The following STAT1 variants were observed in gnomAD, a reference collection of about 807,000 sequenced individuals.
The protein encoded by STAT1 is signal transducer and activator of transcription 1-alpha/beta.
Under a neutral mutation model 111.7 loss-of-function variants are expected in STAT1, and 24 were observed. That is an observed-to-expected ratio of 0.21 (90% confidence interval 0.16 to 0.30). STAT1 has a LOEUF of 0.30. STAT1 is among the 10% of genes least tolerant of loss of function. The pLI is 1.00. For missense variants in STAT1, 351 were observed against 911.9 expected, an observed-to-expected ratio of 0.38 and a Z score of 7.92; for synonymous variants, 332 against 326.5, an observed-to-expected ratio of 1.02 and a Z score of -0.18.
Position 190,975,983 on chromosome 2 carries a change from C to G in STAT1, c.2060-96G>C, listed in dbSNP as rs17749316. ...GGGGGATTAAAGTTCTACTGTGTTTCTAGACAGCTTAGCCTCCTAAAACTT... is the reference window on the plus strand; with the variant it reads ...GGGGGATTAAAGTTCTACTGTGTTTGTAGACAGCTTAGCCTCCTAAAACTT... On this transcript the variant is annotated intron_variant, in intron 22 of 24. Transcript: ENST00000361099. This position sits in a 1 kb window ranked among gnomAD's most constrained non-coding sequence, Gnocchi z 5.9. 0.062 allele frequency: 69,220 copies of G among 1,116,890 alleles called. 2,525 individuals are homozygous for G. The highest frequency in any genetic ancestry group is 0.077 in the Non-Finnish European group (57,264 of 745,530). The allele number at this position is 1,116,890 out of a possible 1,614,324, so 69.2% of individuals were successfully genotyped here.
At chr2:190,991,078 C>A in intron 11 of STAT1, 150 bp downstream of exon 11, 1 of 693,370 alleles carries the variant, frequency 1.4e-6, no homozygotes. Context: ...ATAAAAGACT[C>A]TCAGATATTC....
intron 12 of STAT1, among the ~76,000 whole-genome samples, chr2:190,988,077 T>C (rs1299704162): frequency 6.6e-6 from 1 of 152,114 alleles, no homozygotes; most frequent in Non-Finnish European, 1.5e-5. Flanking sequence ...TACTTCCCCA[T>C]CCCCCGAATC....
At position 190,977,714 on chromosome 2, in the gene STAT1, G is replaced by T. The variant is rs16833141; in HGVS notation, c.1874-689C>A. ...CTGCCATCCTAACCCTTCCTGGCTG[G>T]TAGTGTCCTGCTTGACCTTTCCTGG... On this transcript the variant is annotated intron_variant, in intron 21 of 24. Coordinates refer to ENST00000361099, the MANE Select transcript of STAT1 (RefSeq NM_007315.4). This position sits in a 1 kb window ranked among gnomAD's most constrained non-coding sequence, Gnocchi z 4.7. Among the ~76,000 whole-genome samples, 4,791 of 152,130 alleles carry T rather than the reference G, an allele frequency of 0.031. 260 individuals are homozygous for T. The highest frequency in any genetic ancestry group is 0.11 in the African/African-American group (4,552 of 41,448).
In STAT1 at chr2:190,995,730, G is replaced by C. The variant is rs1344225372; in HGVS notation, c.786-511C>G. 6.6e-6 allele frequency among the ~76,000 whole-genome samples: 1 copy of C among 152,174 alleles called. No individual in the cohort carries two copies. Among genetic ancestry groups the C allele is most frequent in the Non-Finnish European group, 1.5e-5 (1 of 68,036 alleles). Reference sequence around the variant, plus strand: ...TCTGCCCTCTAGGGAAAAACAAAGGGAACGAGGCTTGTGCCAGCAGTAGAA... The same window carrying C: ...TCTGCCCTCTAGGGAAAAACAAAGGCAACGAGGCTTGTGCCAGCAGTAGAA... On this transcript the variant is annotated intron_variant, in intron 9 of 24. Transcript: ENST00000361099. This position sits in a 1 kb window ranked among gnomAD's most constrained non-coding sequence, Gnocchi z 4.2.
chr2:190,976,877 G>C lies in STAT1; in HGVS notation c.2022C>G (p.Asp674Glu). ...TGGAGTAATACTTTCCAAAGGCATG[G>C]TCTTTGTCAATATTTGGATACAGAT... ...LKYLYPNIDKDHAFGKYYSRP... is the reference protein window; with the variant it reads ...LKYLYPNIDKEHAFGKYYSRP... Residue 674 changes from aspartate (D) to glutamate (E), a missense_variant, in exon 22 of 25, where the codon GAC becomes GAG. By Grantham distance (45) the Asp-to-Glu change is conservative (BLOSUM62 2). This residue lies in a region of STAT1 where 181 missense variants were observed against 426.1 expected (regional missense o/e 0.42). Transcript: ENST00000361099. This position sits in a 1 kb window ranked among gnomAD's most constrained non-coding sequence, Gnocchi z 6.0. The C allele has an allele frequency of 6.2e-7, 1 of 1,614,150 alleles. No homozygotes were observed.
Position 190,999,571 on chromosome 2 carries a change from G to T in STAT1, c.541+55C>A. 2 of 1,191,820 alleles carry T rather than the reference G, an allele frequency of 1.7e-6. No individual in the cohort carries two copies. The highest frequency in any genetic ancestry group is 2.5e-6 in the Non-Finnish European group (2 of 795,186). The allele number at this position is 1,191,820 out of a possible 1,614,324, so 73.8% of individuals were successfully genotyped here. On this transcript the variant is annotated intron_variant, in intron 7 of 24. Transcript: ENST00000361099. This position sits in a 1 kb window ranked among gnomAD's most constrained non-coding sequence, Gnocchi z 4.1. ...AAGGAGTAATCATCTTCGTTATCTA[G>T]TGTGAACAGAAAAAATTGCAGCCAA...
At position 190,986,830 on chromosome 2, in the gene STAT1, T is replaced by G. The variant is rs188574418; in HGVS notation, c.1221+24A>C. ...AAGTCCTAAGAAACCAGAGACAACA[T>G]AGAGAGGAAACTGATGTCCCTACCA... On this transcript the variant is annotated intron_variant, in intron 14 of 24. Transcript: ENST00000361099. This position sits in a 1 kb window ranked among gnomAD's most constrained non-coding sequence, Gnocchi z 5.0. 2.0e-5 allele frequency: 32 copies of G among 1,605,882 alleles called. No individual in the cohort carries two copies. The highest frequency in any genetic ancestry group is 4.0e-5 in the African/African-American group (3 of 74,722).
chr2:190,970,777 T>C lies in STAT1; in HGVS notation c.2239-60A>G. 4 of 1,470,982 alleles carry C rather than the reference T, an allele frequency of 2.7e-6. No homozygotes were observed. In the South Asian group the frequency reaches 3.4e-5, roughly 13 times the overall value. 91.1% of individuals were successfully genotyped at this position (1,470,982 alleles called of 1,614,324 possible). On this transcript the variant is annotated intron_variant, in intron 24 of 24. Transcript: ENST00000361099. This position sits in a 1 kb window ranked among gnomAD's most constrained non-coding sequence, Gnocchi z 5.4. ...ACTGATCTTGTGAAATGCAGACTCA[T>C]ACATTAAACATTGCTTGTCTATTCT...
intron 12 of STAT1, among the ~76,000 whole-genome samples, chr2:190,988,426 T>C (rs45618532): frequency 0.048 from 7,345 of 152,334 alleles, 248 homozygotes; most frequent in Middle Eastern, 0.12. Context: ...TCACCCAGGC[T>C]GGAGTGCAGT....
At position 190,989,716 on chromosome 2, in the gene STAT1, T is replaced by G. The variant is rs376841146; in HGVS notation, c.1038-42A>C. On this transcript the variant is annotated intron_variant, in intron 11 of 24. Transcript: ENST00000361099. The surrounding 1 kb of genome is among the most constrained non-coding windows in gnomAD (Gnocchi z 5.0). ...AAGCCATTACTTAAAAAAAATTATC[T>G]GTTACAATTTATTTATTATGCCAAT... 2.8e-5 allele frequency: 39 copies of G among 1,416,276 alleles called. No individual in the cohort carries two copies. In the African/African-American group the frequency reaches 2.9e-4, roughly 10 times the overall value. The allele number at this position is 1,416,276 out of a possible 1,614,324, so 87.7% of individuals were successfully genotyped here.
chr2:190,992,692 T>C (rs934092652), intron 10 of STAT1: 5 of 1,284,532 alleles, frequency 3.9e-6, no homozygotes, highest in Non-Finnish European at 4.1e-6. Context: ...ATTTTAACAC[T>C]GGACTTCTCA....
chr2:190,988,282 T>C (rs1194415452), intron 12 of STAT1, among the ~76,000 whole-genome samples: 1 of 152,240 alleles, frequency 6.6e-6, no homozygotes, highest in Non-Finnish European at 1.5e-5. Flanking sequence ...AAGGCCTTGC[T>C]AGAGCACCTG....
rs1057253552 is a variant in STAT1 at position 190,979,124 on chromosome 2, G to C, written c.1728-123C>G. The C allele has an allele frequency of 8.6e-6, 11 of 1,282,818 alleles. No homozygotes were observed. In the African/African-American group the frequency reaches 1.2e-4, roughly 14 times the overall value. 79.5% of individuals were successfully genotyped at this position (1,282,818 alleles called of 1,614,324 possible). A position where few individuals can be genotyped will look rare whatever the true frequency, so the allele number is the denominator to read the frequency against. ...AAAAAAACCTACGGTAAAAAACGTAGACTATTTTAAAATCTGTTCAGTTGA... is the reference window on the plus strand; with the variant it reads ...AAAAAAACCTACGGTAAAAAACGTACACTATTTTAAAATCTGTTCAGTTGA... On this transcript the variant is annotated intron_variant, in intron 20 of 24. Coordinates refer to ENST00000361099, the MANE Select transcript of STAT1 (RefSeq NM_007315.4). This position sits in a 1 kb window ranked among gnomAD's most constrained non-coding sequence, Gnocchi z 5.8.
At position 191,000,558 on chromosome 2, in the gene STAT1, A is replaced by C. The variant is rs1694193308; in HGVS notation, c.462+516T>G. Among the ~76,000 whole-genome samples, 1 of 152,232 alleles carries C rather than the reference A, an allele frequency of 6.6e-6. No homozygotes were observed. Among genetic ancestry groups the C allele is most frequent in the South Asian group, 2.1e-4 (1 of 4,834 alleles). On this transcript the variant is annotated intron_variant, in intron 6 of 24. Coordinates refer to ENST00000361099, the MANE Select transcript of STAT1 (RefSeq NM_007315.4). This position sits in a 1 kb window ranked among gnomAD's most constrained non-coding sequence, Gnocchi z 4.8. Reference sequence around the variant, plus strand: ...GGAGAGGAGTAAATGCGCACCATCGAGGACGCCAGAGCAGCCCTCTGCTTC... The same window carrying C: ...GGAGAGGAGTAAATGCGCACCATCGCGGACGCCAGAGCAGCCCTCTGCTTC...
At position 190,970,821 on chromosome 2, in the gene STAT1, G is replaced by A; in HGVS notation, c.2239-104C>T. 1 of 1,130,296 alleles carries A rather than the reference G, an allele frequency of 8.8e-7. No individual in the cohort carries two copies. Among genetic ancestry groups the A allele is most frequent in the Non-Finnish European group, 1.3e-6 (1 of 750,630 alleles). 70.0% of individuals were successfully genotyped at this position (1,130,296 alleles called of 1,614,324 possible). On this transcript the variant is annotated intron_variant, in intron 24 of 24. Coordinates refer to ENST00000361099, the MANE Select transcript of STAT1 (RefSeq NM_007315.4). The surrounding 1 kb of genome is among the most constrained non-coding windows in gnomAD (Gnocchi z 5.4). ...CTATTCTAGAATGAAGTAGTAGGAA[G>A]ATACTTGCAATGGCAAATAAATACC... is the stretch of plus-strand genomic sequence containing the variant.
rs1451722275 is a variant in STAT1 at position 190,976,710 on chromosome 2, T to G, written c.2059+130A>C. 11 of 781,752 alleles carry G rather than the reference T, an allele frequency of 1.4e-5. No individual in the cohort carries two copies. The allele number at this position is 781,752 out of a possible 1,614,324, so 48.4% of individuals were successfully genotyped here. On this transcript the variant is annotated intron_variant, in intron 22 of 24. Coordinates refer to ENST00000361099, the MANE Select transcript of STAT1 (RefSeq NM_007315.4). This position sits in a 1 kb window ranked among gnomAD's most constrained non-coding sequence, Gnocchi z 6.0. ...CATTATGTTTCACCTGCACTGAGTT[T>G]ATGCCATCTTTTGAAAGCCTACTCT... is the stretch of plus-strand genomic sequence containing the variant.
chr2:190,991,764 G>C (rs1200382232), intron 10 of STAT1, among the ~76,000 whole-genome samples: 1 of 151,626 alleles, frequency 6.6e-6, no homozygotes, highest in African/African-American at 2.4e-5. Context: ...GGTTGAAGTG[G>C]GAAGATCACT....
At position 190,979,906 on chromosome 2, in the gene STAT1, A is replaced by G. The variant is rs758760551; in HGVS notation, c.1633-40T>C. 1 of 1,406,978 alleles carries G rather than the reference A, an allele frequency of 7.1e-7. No homozygotes were observed. Among genetic ancestry groups the G allele is most frequent in the Admixed American group, 1.7e-5 (1 of 59,346 alleles). 87.2% of individuals were successfully genotyped at this position (1,406,978 alleles called of 1,614,324 possible). On this transcript the variant is annotated intron_variant, in intron 19 of 24. Coordinates refer to ENST00000361099, the MANE Select transcript of STAT1 (RefSeq NM_007315.4). The surrounding 1 kb of genome is among the most constrained non-coding windows in gnomAD (Gnocchi z 5.8). ...ATGCAGACATTATGAACAAAAATCT[A>G]AAACAATGACTTACCATGGCCCCTC...
Position 190,977,972 on chromosome 2 carries a change from AAT to A in STAT1, c.1873+882_1873+883del, listed in dbSNP as rs2125003936. Among the ~76,000 whole-genome samples the A allele has an allele frequency of 6.6e-6, 1 of 152,282 alleles. No individual in the cohort carries two copies. Among genetic ancestry groups the A allele is most frequent in the African/African-American group, 2.4e-5 (1 of 41,546 alleles). ...CTGAAAAATAAACAGAACAAGAAAG[AAT>A]ACCGTTCCAGAAAAAAAAAATAGAA... is the stretch of plus-strand genomic sequence containing the variant. On this transcript the variant is annotated intron_variant, in intron 21 of 24. Transcript: ENST00000361099. The surrounding 1 kb of genome is among the most constrained non-coding windows in gnomAD (Gnocchi z 4.7).
Sources: allele counts gnomAD v4.1 joint callset (sites outside exome capture counted in the v4.1 genomes callset), GRCh38; gene constraint gnomAD v4.1.1; regional missense constraint gnomAD v4.1.1; non-coding constraint Gnocchi (gnomAD v3.1); transcripts MANE v1.5; gene names NCBI Gene and HGNC (gene_info 2026-07-23, HGNC 2026-07-21).